The following PDZRN4 variants were observed in gnomAD, a reference collection of about 807,000 sequenced individuals.
PDZRN4 encodes the protein PDZ domain-containing RING finger protein 4.
PDZRN4 carries 70 observed loss-of-function variants against 99.0 expected under a neutral mutation model. The ratio of observed to expected loss-of-function variants is 0.71; its 90% CI spans 0.58 to 0.86. PDZRN4 has a LOEUF of 0.86. Ranked by LOEUF, PDZRN4 falls within the 40% of genes least tolerant of loss-of-function variation. The pLI is 0.00. For missense variants in PDZRN4, 1,474 were observed against 1,331.2 expected (o/e 1.11, Z -1.67); for synonymous variants, 551 against 501.6 (o/e 1.10, Z -1.32).
chr12:41,517,881 T>A (rs1044431052), intron 5 of PDZRN4, among the ~76,000 whole-genome samples: 1 of 152,088 alleles, frequency 6.6e-6, no homozygotes, highest in African/African-American at 2.4e-5. Flanking sequence ...TGGTATCAAG[T>A]AGCACACCTC....
At chr12:41,438,125 G>A (rs1447231045) in intron 3 of PDZRN4, 1 of 1,322,090 alleles carries the variant, frequency 7.6e-7, no homozygotes, top group Non-Finnish European at 1.1e-6. Context: ...TTTCAGAATT[G>A]AGGGCAGACT....
chr12:41,264,830 T>C (rs887235076), intron 3 of PDZRN4, among the ~76,000 whole-genome samples: 1 of 152,182 alleles, frequency 6.6e-6, no homozygotes, highest in Non-Finnish European at 1.5e-5. Context: ...GGAGCCATTA[T>C]CTTAAGTGAA....
At chr12:41,203,976 GA>G in intron 3 of PDZRN4, among the ~76,000 whole-genome samples, 1 of 152,148 alleles carries the variant, frequency 6.6e-6, no homozygotes, top group South Asian at 2.1e-4. Flanking sequence ...CTTGAAAAGT[GA>G]AAGAACTTGA....
chr12:41,342,384 A>G (rs1032247986), intron 3 of PDZRN4, among the ~76,000 whole-genome samples: 3 of 151,950 alleles, frequency 2.0e-5, no homozygotes, highest in Non-Finnish European at 4.4e-5. Flanking sequence ...TTGCACAGCA[A>G]AAGAAACCCT....
At chr12:41,229,116 A>T (rs1032020337) in intron 3 of PDZRN4, among the ~76,000 whole-genome samples, 2 of 151,330 alleles carry the variant, frequency 1.3e-5, no homozygotes, top group African/African-American at 4.8e-5. Flanking sequence ...ATTGCACATC[A>T]TTTCATCTAA....
Position 41,574,450 on chromosome 12 carries a change from T to C in PDZRN4, c.*560T>C, listed in dbSNP as rs1222155353. 6.6e-6 allele frequency: 1 copy of C among 152,668 alleles called. No homozygotes were observed. Among genetic ancestry groups the C allele is most frequent in the African/African-American group, 2.4e-5 (1 of 41,464 alleles). The allele number at this position is 152,668 out of a possible 1,614,324, so 9.5% of individuals were successfully genotyped here. A position where few individuals can be genotyped will look rare whatever the true frequency, so the allele number is the denominator to read the frequency against. On this transcript the variant is annotated 3_prime_UTR_variant, in exon 10 of 10. Transcript: ENST00000402685. Reference sequence around the variant, plus strand: ...TCCCATTGTACATTTAACACATAAATGGCCATTGTCTTTGTCTCAGTAAAG... The same window carrying C: ...TCCCATTGTACATTTAACACATAAACGGCCATTGTCTTTGTCTCAGTAAAG...
intron 9 of PDZRN4, among the ~76,000 whole-genome samples, chr12:41,570,103 C>T (rs1328022733): frequency 6.6e-6 from 1 of 152,094 alleles, no homozygotes; most frequent in Non-Finnish European, 1.5e-5. Context: ...GCTGCCTACT[C>T]ATCAGAGGTA....
intron 3 of PDZRN4, among the ~76,000 whole-genome samples, chr12:41,430,816 G>A (rs1952580538): frequency 6.6e-6 from 1 of 152,206 alleles, no homozygotes; most frequent in Non-Finnish European, 1.5e-5. Flanking sequence ...ATGAAGAAAA[G>A]AGGTTTAATT....
chr12:41,481,821 T>C (rs1190111879), intron 3 of PDZRN4, among the ~76,000 whole-genome samples: 2 of 152,112 alleles, frequency 1.3e-5, no homozygotes, highest in African/African-American at 2.4e-5. Flanking sequence ...AGAAACTAAA[T>C]CTTATATTTA....
intron 3 of PDZRN4, among the ~76,000 whole-genome samples, chr12:41,315,302 T>C (rs1199592098): frequency 6.6e-6 from 1 of 152,176 alleles, no homozygotes; most frequent in African/African-American, 2.4e-5. Flanking sequence ...GTTTATTATT[T>C]CTACTGTCAT....
At chr12:41,468,870 A>G (rs1256676544) in intron 3 of PDZRN4, among the ~76,000 whole-genome samples, 1 of 152,100 alleles carries the variant, frequency 6.6e-6, no homozygotes, top group Non-Finnish European at 1.5e-5. Context: ...TCAGTCGGGC[A>G]TGATGGCTCA....
At chr12:41,295,264 A>C (rs1311513347) in intron 3 of PDZRN4, among the ~76,000 whole-genome samples, 1 of 152,202 alleles carries the variant, frequency 6.6e-6, no homozygotes, top group Non-Finnish European at 1.5e-5. Flanking sequence ...AAAGGATTTG[A>C]GATACAGGAA....
chr12:41,209,554 T>A (rs1351390954), intron 3 of PDZRN4, among the ~76,000 whole-genome samples: 1 of 146,486 alleles, frequency 6.8e-6, no homozygotes, highest in Non-Finnish European at 1.5e-5. Flanking sequence ...TGTCCATGTG[T>A]TCTCATTGTT....
At chr12:41,538,412 G>A (rs191889627) in intron 5 of PDZRN4, among the ~76,000 whole-genome samples, 5 of 152,262 alleles carry the variant, frequency 3.3e-5, no homozygotes, top group Non-Finnish European at 7.4e-5. Context: ...TGTGGACATG[G>A]AGGATATTCA....
At chr12:41,204,751 A>G (rs896032959) in intron 3 of PDZRN4, among the ~76,000 whole-genome samples, 1 of 151,970 alleles carries the variant, frequency 6.6e-6, no homozygotes, top group East Asian at 1.9e-4. Context: ...GGGAATTACA[A>G]TTCAGGATGA....
At chr12:41,310,051 G>A (rs561590518) in intron 3 of PDZRN4, among the ~76,000 whole-genome samples, 30 of 151,988 alleles carry the variant, frequency 2.0e-4, no homozygotes, top group African/African-American at 5.3e-4. Flanking sequence ...TTTTGTCTCA[G>A]CCTCCTGAGT....
At chr12:41,213,375 A>T (rs1240574634) in intron 3 of PDZRN4, among the ~76,000 whole-genome samples, 1 of 151,974 alleles carries the variant, frequency 6.6e-6, no homozygotes, top group Non-Finnish European at 1.5e-5. Flanking sequence ...CATATATTTC[A>T]CGAACAGACT....
intron 5 of PDZRN4, among the ~76,000 whole-genome samples, chr12:41,547,355 G>A (rs1336908803): frequency 6.6e-6 from 1 of 152,188 alleles, no homozygotes; most frequent in Non-Finnish European, 1.5e-5. Context: ...GCCAGGCACG[G>A]TGGCTTATGC....
chr12:41,239,132 C>A (rs890271547), intron 3 of PDZRN4, among the ~76,000 whole-genome samples: 2 of 152,110 alleles, frequency 1.3e-5, no homozygotes, highest in African/African-American at 4.8e-5. Context: ...AGTATGCAGC[C>A]ATAAAAAGGA....
Sources: gnomAD v4.1 joint callset for allele counts (sites outside exome capture counted in the v4.1 genomes callset) on GRCh38, gnomAD v4.1.1 for gene constraint, MANE v1.5 for transcripts, NCBI Gene and HGNC (gene_info 2026-07-23, HGNC 2026-07-21) for gene names.